Variants in LRBA observed in about 807,000 individuals in gnomAD.
The protein encoded by LRBA is LPS responsive beige-like anchor protein.
Under a neutral mutation model 330.0 loss-of-function variants are expected in LRBA, and 176 were observed. The observed-to-expected ratio is 0.53, with a 90% CI of 0.47 to 0.60. The LOEUF is 0.60. LRBA is among the 20% of genes least tolerant of loss of function. The probability of loss-of-function intolerance (pLI) is 0.00; values close to 1 mark genes in which losing one functional copy is unlikely to be tolerated. For missense variants in LRBA, 3,259 were observed against 3,444.8 expected, an observed-to-expected ratio of 0.95 and a Z score of 1.35; for synonymous variants, 1,230 against 1,193.0, an observed-to-expected ratio of 1.03 and a Z score of -0.64.
chr4:150,931,632 G>GT (rs1267314101), intron 2 of LRBA, among the ~76,000 whole-genome samples: 1 of 151,342 alleles, frequency 6.6e-6, no homozygotes, highest in East Asian at 1.9e-4. Flanking sequence ...CCCAGGTATG[G>GT]TGGTGGGTAC....
At chr4:150,354,757 A>C (rs1025411356) in intron 47 of LRBA, among the ~76,000 whole-genome samples, 2 of 152,062 alleles carry the variant, frequency 1.3e-5, no homozygotes, top group Non-Finnish European at 2.9e-5. Flanking sequence ...GGCAGAGTAA[A>C]ATACTTCAGA....
chr4:150,829,038 G>A (rs536314024), intron 29 of LRBA, among the ~76,000 whole-genome samples: 4 of 151,696 alleles, frequency 2.6e-5, no homozygotes, highest in South Asian at 2.1e-4. Flanking sequence ...GGGCTCAGGC[G>A]ATCCTCCCAC....
intron 43 of LRBA, 36 bp downstream of exon 43, chr4:150,471,588 T>G: frequency 8.7e-7 from 1 of 1,154,970 alleles, no homozygotes; most frequent in Non-Finnish European, 1.3e-6. Flanking sequence ...TAATAATTTA[T>G]TGTCTAAAAT....
Position 150,976,415 on chromosome 4 carries a change from A to G in LRBA, c.216+38012T>C, listed in dbSNP as rs566338973. On this transcript the variant is annotated intron_variant, in intron 2 of 56. Transcript: ENST00000651943. Reference sequence around the variant, plus strand: ...TTCATCCTCTGGATAAATGATTTCCAAACAGTTGATTACATACTCCTACTG... The same window carrying G: ...TTCATCCTCTGGATAAATGATTTCCGAACAGTTGATTACATACTCCTACTG... Among the ~76,000 whole-genome samples the G allele has an allele frequency of 3.9e-5, 6 of 152,348 alleles. No individual in the cohort carries two copies. In the South Asian group the frequency reaches 1.2e-3, roughly 32 times the overall value.
chr4:150,813,100 T>C (rs1290732999), intron 31 of LRBA, among the ~76,000 whole-genome samples: 1 of 150,598 alleles, frequency 6.6e-6, no homozygotes, highest in African/African-American at 2.5e-5. Context: ...AAGGCTGCAG[T>C]TGAGCTATGA....
intron 37 of LRBA, among the ~76,000 whole-genome samples, chr4:150,660,481 G>A (rs1300215312): frequency 1.6e-4 from 24 of 151,824 alleles, no homozygotes; most frequent in African/African-American, 4.6e-4. Flanking sequence ...AGGGAGGTGG[G>A]GGGGGTCAGC....
intron 40 of LRBA, among the ~76,000 whole-genome samples, chr4:150,544,671 A>G (rs1180912486): frequency 6.6e-6 from 1 of 152,180 alleles, no homozygotes; most frequent in Non-Finnish European, 1.5e-5. Flanking sequence ...GCTCTGTAAC[A>G]TTAAGAAAAA....
intron 34 of LRBA, among the ~76,000 whole-genome samples, chr4:150,781,232 T>G (rs1242900200): frequency 6.6e-6 from 1 of 152,216 alleles, no homozygotes; most frequent in Non-Finnish European, 1.5e-5. Context: ...AATTATATAA[T>G]GAACCATAAT....
chr4:150,925,760 G>C (rs185213820), intron 4 of LRBA, among the ~76,000 whole-genome samples: 3 of 151,856 alleles, frequency 2.0e-5, no homozygotes, highest in Non-Finnish European at 4.4e-5. Flanking sequence ...CTATGCTTAT[G>C]AATATAATAA....
In LRBA at chr4:150,852,194, T is replaced by C. The variant is rs746472568; in HGVS notation, c.3516A>G (p.Gln1172=). ...VTEKQTDTET[Q]DSKDSGIQTM... ...TCTGAATTCCAGAATCTTTAGAATC[T>C]TGAGTTTCAGTATCAGTTTGCTTTT... The change falls in exon 23 of 57, where the codon CAA becomes CAG. Residue 1172 remains glutamine (Q), a synonymous_variant. Coordinates refer to ENST00000651943, the MANE Select transcript of LRBA (RefSeq NM_001364905.1). 2.5e-6 allele frequency: 4 copies of C among 1,614,186 alleles called. No homozygotes were observed. The highest frequency in any genetic ancestry group is 1.7e-5 in the Admixed American group (1 of 60,026).
rs923307409 is a variant in LRBA, at chr4:150,908,034, TA to T, written c.1493+299del. Among the ~76,000 whole-genome samples, 108 of 152,176 alleles carry T rather than the reference TA, an allele frequency of 7.1e-4. 1 individual carries two copies. Among genetic ancestry groups the T allele is most frequent in the African/African-American group, 2.5e-3 (105 of 41,568 alleles). Reference sequence around the variant, plus strand: ...TTATTGCATTCTGAGTAATGGGTAGTAAAAAAAATTTTTAATTTAGACAAAA... The same window carrying T: ...TTATTGCATTCTGAGTAATGGGTAGTAAAAAAATTTTTAATTTAGACAAAA... On this transcript the variant is annotated intron_variant, in intron 11 of 56. Coordinates refer to ENST00000651943, the MANE Select transcript of LRBA (RefSeq NM_001364905.1).
chr4:150,482,262 G>A, intron 42 of LRBA, among the ~76,000 whole-genome samples: 1 of 151,992 alleles, frequency 6.6e-6, no homozygotes, highest in Admixed American at 6.6e-5. Context: ...GCTTTTTCCA[G>A]AATGTCATAT....
At chr4:150,646,739 T>C (rs1779173169) in intron 37 of LRBA, among the ~76,000 whole-genome samples, 3 of 152,094 alleles carry the variant, frequency 2.0e-5, no homozygotes, top group Non-Finnish European at 4.4e-5. Context: ...GCATACTCAC[T>C]ATAGGTTGCA....
At chr4:150,541,959 C>CA (rs1441509075) in intron 40 of LRBA, among the ~76,000 whole-genome samples, 1 of 152,206 alleles carries the variant, frequency 6.6e-6, no homozygotes, top group African/African-American at 2.4e-5. Flanking sequence ...GATTTAAAGA[C>CA]AGAAATACCT....
intron 2 of LRBA, among the ~76,000 whole-genome samples, chr4:150,996,544 TATA>T (rs1298093691): frequency 2.6e-5 from 4 of 152,148 alleles, no homozygotes; most frequent in African/African-American, 9.6e-5. Context: ...CTTAAATACA[TATA>T]AACTACCATG....
intron 35 of LRBA, among the ~76,000 whole-genome samples, chr4:150,737,367 G>A (rs1388471369): frequency 3.3e-5 from 5 of 152,190 alleles, no homozygotes; most frequent in Non-Finnish European, 7.4e-5. Flanking sequence ...GGCTGAGGTG[G>A]AAGAATGGCT....
chr4:150,803,433 C>T (rs1742054877), intron 33 of LRBA, among the ~76,000 whole-genome samples: 1 of 151,858 alleles, frequency 6.6e-6, no homozygotes, highest in Non-Finnish European at 1.5e-5. Flanking sequence ...ACTATACTTA[C>T]TACTTTTGTG....
intron 40 of LRBA, among the ~76,000 whole-genome samples, chr4:150,571,947 T>C (rs1307735630): frequency 1.3e-5 from 2 of 151,968 alleles, no homozygotes; most frequent in African/African-American, 4.8e-5. Context: ...TAGTTATAAA[T>C]ATTATCATCT....
At chr4:150,498,594 C>A (rs978191595) in intron 40 of LRBA, among the ~76,000 whole-genome samples, 2 of 151,988 alleles carry the variant, frequency 1.3e-5, no homozygotes, top group African/African-American at 4.8e-5. Flanking sequence ...TTTTTCATAG[C>A]AGCACATAAG....
Sources: gnomAD v4.1 joint callset for allele counts (sites outside exome capture counted in the v4.1 genomes callset) on GRCh38, gnomAD v4.1.1 for gene constraint, MANE v1.5 for transcripts, NCBI Gene and HGNC (gene_info 2026-07-23, HGNC 2026-07-21) for gene names.